Variants in XKR9 observed in about 807,000 individuals in gnomAD.
The protein encoded by XKR9 is XK related 9.
In XKR9, 32 loss-of-function variants were observed where a neutral mutation model predicts 32.0. The observed-to-expected ratio is 1.00, with a 90% confidence interval of 0.76 to 1.34. XKR9 has a LOEUF of 1.34. Among genes scored for constraint, XKR9 ranks in the 40% most tolerant of loss-of-function variants. The pLI, the probability that XKR9 is intolerant of heterozygous loss-of-function variation, is 0.00. For missense variants in XKR9, 546 were observed against 429.7 expected (o/e 1.27, Z -2.39); for synonymous variants, 168 against 143.4 (o/e 1.17, Z -1.22).
At chr8:70,726,013 T>C (rs977197916) in intron 4 of XKR9, among the ~76,000 whole-genome samples, 3 of 152,128 alleles carry the variant, frequency 2.0e-5, no homozygotes, top group Admixed American at 2.0e-4. Flanking sequence ...CCAGATAAAC[T>C]CAATCTAACT....
chr8:70,950,035 C>T, the XKR9 span, among the ~76,000 whole-genome samples: 1 of 152,176 alleles, frequency 6.6e-6, no homozygotes, highest in South Asian at 2.1e-4. Flanking sequence ...TTTCGCATTC[C>T]AGCATAATAG....
chr8:71,059,955 C>T, the XKR9 span, among the ~76,000 whole-genome samples: 3 of 152,158 alleles, frequency 2.0e-5, no homozygotes, highest in Admixed American at 2.0e-4. Context: ...TTAGGCTCAT[C>T]CCATTTTTTT....
At chr8:70,801,614 G>A in the XKR9 span, among the ~76,000 whole-genome samples, 1 of 152,118 alleles carries the variant, frequency 6.6e-6, no homozygotes, top group Non-Finnish European at 1.5e-5. Flanking sequence ...TGTTCCATAT[G>A]CAGATGAGAA....
At chr8:70,798,238 T>C in the XKR9 span, among the ~76,000 whole-genome samples, 12 of 152,204 alleles carry the variant, frequency 7.9e-5, no homozygotes, top group Admixed American at 3.3e-4. Flanking sequence ...GACTTTTTAA[T>C]AATATCCATT....
At chr8:70,844,983 C>T in the XKR9 span, among the ~76,000 whole-genome samples, 1 of 152,224 alleles carries the variant, frequency 6.6e-6, no homozygotes, top group East Asian at 1.9e-4. Flanking sequence ...CAATAATCAG[C>T]TCACTTGTGT....
chr8:70,735,554 C>T lies in XKR9; in HGVS notation c.*1130C>T, dbSNP rs1244302734. The T allele has an allele frequency of 6.0e-5, 9 of 151,026 alleles. No individual in the cohort carries two copies. Among genetic ancestry groups the T allele is most frequent in the Non-Finnish European group, 1.2e-4 (8 of 67,832 alleles). The allele number at this position is 151,026 out of a possible 1,614,324, so 9.4% of individuals were successfully genotyped here. A position where few individuals can be genotyped will look rare whatever the true frequency, so the allele number is the denominator to read the frequency against. ...TGTATACATGTGCCATGCTGGTGTG[C>T]TGCACCCATTAACTCGTCATTTATC... is the stretch of plus-strand genomic sequence containing the variant. On this transcript the variant is annotated 3_prime_UTR_variant, in exon 5 of 5. Transcript: ENST00000408926.
chr8:70,738,651 G>A, downstream of XKR9, among the ~76,000 whole-genome samples: 1 of 152,088 alleles, frequency 6.6e-6, no homozygotes. Flanking sequence ...ATGTGTCCCA[G>A]AGATTCTGGT....
At chr8:70,985,422 T>A in the XKR9 span, among the ~76,000 whole-genome samples, 1 of 152,350 alleles carries the variant, frequency 6.6e-6, no homozygotes, top group South Asian at 2.1e-4. Flanking sequence ...GATGGGCATT[T>A]GGGTTGGTTC....
intron 2 of XKR9, among the ~76,000 whole-genome samples, chr8:70,787,861 A>T (rs1374772523): frequency 6.6e-6 from 1 of 152,098 alleles, no homozygotes; most frequent in Non-Finnish European, 1.5e-5. Context: ...TGAAAGGATT[A>T]TTAAGGTATT....
chr8:70,908,273 A>G, the XKR9 span, among the ~76,000 whole-genome samples: 1 of 152,208 alleles, frequency 6.6e-6, no homozygotes, highest in Non-Finnish European at 1.5e-5. Flanking sequence ...AGGAAATTTT[A>G]TATTTTATAA....
At chr8:70,769,750 G>A (rs1807427914) in intron 2 of XKR9, among the ~76,000 whole-genome samples, 2 of 151,588 alleles carry the variant, frequency 1.3e-5, no homozygotes, top group African/African-American at 4.8e-5. Flanking sequence ...ACTTGTGTGT[G>A]CTTCACAAAG....
chr8:70,992,531 C>T, the XKR9 span, among the ~76,000 whole-genome samples: 1 of 152,284 alleles, frequency 6.6e-6, no homozygotes, highest in South Asian at 2.1e-4. Context: ...TCTCTGAGCT[C>T]TTATCTACTC....
chr8:70,726,114 T>G (rs1051845249), intron 4 of XKR9, among the ~76,000 whole-genome samples: 10 of 152,198 alleles, frequency 6.6e-5, no homozygotes, highest in African/African-American at 2.2e-4. Flanking sequence ...CAATATGAAT[T>G]CTGTTAATAT....
Position 70,768,862 on chromosome 8 carries a change from G to A in XKR9, n.353-20477G>A, listed in dbSNP as rs10105541. Among the ~76,000 whole-genome samples, 469 of 151,928 alleles carry A rather than the reference G, an allele frequency of 3.1e-3. 4 individuals are homozygous for A. The highest frequency in any genetic ancestry group is 0.011 in the African/African-American group (442 of 41,426). Reference sequence around the variant, plus strand: ...ATGGGTCTCCTGAATACAGCACACCGATGGGTCTTGACTCTATCCATTTTG... The same window carrying A: ...ATGGGTCTCCTGAATACAGCACACCAATGGGTCTTGACTCTATCCATTTTG... On this transcript the variant is annotated intron_variant and non_coding_transcript_variant, in intron 2 of 3. Coordinates refer to the XKR9 transcript ENST00000520273.
rs560608431 is a variant in XKR9, at chr8:70,731,572, CA to C, written c.494-2222del. Among the ~76,000 whole-genome samples, 452 of 152,280 alleles carry C rather than the reference CA, an allele frequency of 3.0e-3. 1 individual carries two copies. The highest frequency in any genetic ancestry group is 0.01 in the African/African-American group (430 of 41,564). On this transcript the variant is annotated intron_variant, in intron 4 of 4. Coordinates refer to ENST00000408926, the MANE Select transcript of XKR9 (RefSeq NM_001011720.2). The stretch of plus-strand genomic sequence containing the variant: ...GTCTAGCAAAATACACGTAACAAAA[CA>C]AGACACCAGTCACCTCATTCAGCAC...
chr8:70,813,082 T>C, the XKR9 span, among the ~76,000 whole-genome samples: 1 of 152,266 alleles, frequency 6.6e-6, no homozygotes, highest in South Asian at 2.1e-4. Flanking sequence ...ATGGTACTGG[T>C]ACCAAAACAG....
the XKR9 span, among the ~76,000 whole-genome samples, chr8:70,992,640 A>C: frequency 6.6e-6 from 1 of 152,224 alleles, no homozygotes; most frequent in African/African-American, 2.4e-5. Context: ...ATAGAAGGAG[A>C]CTAGAAGACA....
chr8:70,748,221 G>T (rs409468), intron 2 of XKR9, among the ~76,000 whole-genome samples: 1 of 152,232 alleles, frequency 6.6e-6, no homozygotes, highest in African/African-American at 2.4e-5. Flanking sequence ...AGCAGGAGCA[G>T]GTGGGAGCCC....
chr8:70,926,832 G>A, the XKR9 span, among the ~76,000 whole-genome samples: 1 of 152,126 alleles, frequency 6.6e-6, no homozygotes, highest in East Asian at 1.9e-4. Flanking sequence ...TAGGAGTCAG[G>A]CGACCCAGGA....
Sources: allele counts gnomAD v4.1 joint callset (sites outside exome capture counted in the v4.1 genomes callset), GRCh38; gene constraint gnomAD v4.1.1; transcripts MANE v1.5; gene names NCBI Gene and HGNC (gene_info 2026-07-23, HGNC 2026-07-21).